PPFIA2: variants seen among roughly 807,000 people sequenced by gnomAD.
PPFIA2 encodes the protein liprin-alpha-2.
In PPFIA2, 46 loss-of-function variants were observed where a neutral mutation model predicts 175.5. That is an observed-to-expected ratio of 0.26 (90% CI 0.21 to 0.34). The LOEUF is 0.34. Among genes scored for constraint, PPFIA2 ranks in the 10% least tolerant of loss-of-function variants. The pLI is 1.00. For missense variants in PPFIA2, 1,179 were observed against 1,506.1 expected (o/e 0.78, Z 3.60); for synonymous variants, 568 against 511.4 (o/e 1.11, Z -1.49).
intron 22 of PPFIA2, among the ~76,000 whole-genome samples, chr12:81,310,634 TTTAAAA>T (rs2050533218): frequency 6.6e-6 from 1 of 152,126 alleles, no homozygotes; most frequent in African/African-American, 2.4e-5. Context: ...AAAACTGTGT[TTTAAAA>T]CTCAATGTCT....
At chr12:81,662,200 A>T (rs1431175183) in intron 4 of PPFIA2, among the ~76,000 whole-genome samples, 1 of 152,206 alleles carries the variant, frequency 6.6e-6, no homozygotes, top group East Asian at 1.9e-4. Context: ...AACTAAGATA[A>T]GAGCAGAACT....
At chr12:81,475,491 T>C (rs1006430561) in intron 4 of PPFIA2, among the ~76,000 whole-genome samples, 22 of 152,204 alleles carry the variant, frequency 1.4e-4, no homozygotes, top group African/African-American at 4.1e-4. Flanking sequence ...CAATTTGCTA[T>C]TTATTATTTC....
chr12:81,747,295 G>A (rs140028681), intron 3 of PPFIA2, among the ~76,000 whole-genome samples: 84 of 144,302 alleles, frequency 5.8e-4, no homozygotes, highest in African/African-American at 2.0e-3. Flanking sequence ...AGTTATAATC[G>A]CAGCACAATA....
intron 8 of PPFIA2, among the ~76,000 whole-genome samples, chr12:81,398,065 A>T (rs1405282089): frequency 6.6e-6 from 1 of 152,156 alleles, no homozygotes; most frequent in East Asian, 1.9e-4. Context: ...GTAATAATTT[A>T]AATAAAGTGC....
chr12:81,725,341 A>G (rs1391542527), intron 3 of PPFIA2, among the ~76,000 whole-genome samples: 1 of 151,044 alleles, frequency 6.6e-6, no homozygotes, highest in African/African-American at 2.4e-5. Flanking sequence ...GAGCCAATAG[A>G]GACCACAGTT....
chr12:81,533,268 A>G (rs937458670), intron 4 of PPFIA2, among the ~76,000 whole-genome samples: 1 of 151,798 alleles, frequency 6.6e-6, no homozygotes, highest in Non-Finnish European at 1.5e-5. Flanking sequence ...ATGACATCAC[A>G]ATATTTTAGT....
intron 21 of PPFIA2, among the ~76,000 whole-genome samples, chr12:81,330,181 G>A (rs1018270307): frequency 6.6e-6 from 1 of 152,050 alleles, no homozygotes; most frequent in Non-Finnish European, 1.5e-5. Context: ...ATGCTCCTAC[G>A]CACGATAGCA....
At chr12:81,392,128 G>C (rs761427918) in intron 8 of PPFIA2, among the ~76,000 whole-genome samples, 1 of 151,878 alleles carries the variant, frequency 6.6e-6, no homozygotes, top group Admixed American at 6.6e-5. Flanking sequence ...GAAAAATTAC[G>C]TTGGCTTAGA....
chr12:81,646,028 G>A (rs1006556441), intron 4 of PPFIA2, among the ~76,000 whole-genome samples: 3 of 152,138 alleles, frequency 2.0e-5, no homozygotes, highest in Admixed American at 1.3e-4. Flanking sequence ...TCCATAAGAC[G>A]CAGGCAAAGA....
Position 81,421,553 on chromosome 12 carries a change from GA to G in PPFIA2, c.646-15651del, listed in dbSNP as rs201386598. On this transcript the variant is annotated intron_variant, in intron 7 of 32. Transcript: ENST00000549396. ...ACAATATACATAAAATATACAAGAA[GA>G]AAAAAAATCAAAGCAAATAACTACA... Among the ~76,000 whole-genome samples the G allele has an allele frequency of 7.8e-3, 1,169 of 150,706 alleles. 14 individuals are homozygous for G. Among genetic ancestry groups the G allele is most frequent in the African/African-American group, 0.027 (1,092 of 41,154 alleles).
chr12:81,262,350 A>AT lies in PPFIA2; in HGVS notation c.3716-311dup, dbSNP rs1030121870. Among the ~76,000 whole-genome samples, 6 of 152,012 alleles carry AT rather than the reference A, an allele frequency of 3.9e-5. No homozygotes were observed. In the South Asian group the frequency reaches 8.3e-4, roughly 21 times the overall value. ...GCTCTTAGAGAACTCATTATAGTGG[A>AT]TTTTTTTTCCTTTCCAAGTATTGAA... On this transcript the variant is annotated intron_variant, in intron 31 of 32. Coordinates refer to ENST00000549396, the MANE Select transcript of PPFIA2 (RefSeq NM_003625.5).
At chr12:81,438,337 A>G (rs1384634587) in intron 7 of PPFIA2, among the ~76,000 whole-genome samples, 1 of 152,102 alleles carries the variant, frequency 6.6e-6, no homozygotes, top group African/African-American at 2.4e-5. Context: ...GGGTGGTGGC[A>G]CATGCCCGTA....
At chr12:81,543,374 G>A (rs2066500282) in intron 4 of PPFIA2, among the ~76,000 whole-genome samples, 1 of 152,020 alleles carries the variant, frequency 6.6e-6, no homozygotes, top group South Asian at 2.1e-4. Context: ...AGTGAATAGA[G>A]CTCCTAATGA....
intron 24 of PPFIA2, among the ~76,000 whole-genome samples, chr12:81,286,893 G>T (rs1372082325): frequency 6.6e-6 from 1 of 151,906 alleles, no homozygotes; most frequent in African/African-American, 2.4e-5. Flanking sequence ...GAATATAAAA[G>T]TCATTTATGT....
intron 3 of PPFIA2, among the ~76,000 whole-genome samples, chr12:81,713,552 C>T (rs1281880449): frequency 6.6e-6 from 1 of 151,082 alleles, no homozygotes; most frequent in African/African-American, 2.4e-5. Context: ...ATGGCAGGGT[C>T]ATAATGAAAA....
At chr12:81,667,282 C>T (rs920425810) in intron 4 of PPFIA2, among the ~76,000 whole-genome samples, 1 of 152,026 alleles carries the variant, frequency 6.6e-6, no homozygotes, top group African/African-American at 2.4e-5. Context: ...TGAAGGAGCC[C>T]ATCATCACTT....
At chr12:81,722,583 A>T (rs949633026) in intron 3 of PPFIA2, among the ~76,000 whole-genome samples, 3 of 151,070 alleles carry the variant, frequency 2.0e-5, no homozygotes, top group Admixed American at 6.6e-5. Flanking sequence ...AGGAGATAGG[A>T]ACACTATCTC....
intron 17 of PPFIA2, among the ~76,000 whole-genome samples, chr12:81,350,128 G>A (rs773732759): frequency 6.6e-6 from 1 of 152,126 alleles, no homozygotes; most frequent in Admixed American, 6.6e-5. Flanking sequence ...GAAATAGCTT[G>A]TTATGGAGGG....
intron 4 of PPFIA2, among the ~76,000 whole-genome samples, chr12:81,622,065 A>G (rs2062105676): frequency 6.6e-6 from 1 of 152,176 alleles, no homozygotes; most frequent in South Asian, 2.1e-4. Flanking sequence ...AGCATTAGAC[A>G]AGGACTTGGT....
Sources: allele counts gnomAD v4.1 joint callset (sites outside exome capture counted in the v4.1 genomes callset), GRCh38; gene constraint gnomAD v4.1.1; transcripts MANE v1.5; gene names NCBI Gene and HGNC (gene_info 2026-07-23, HGNC 2026-07-21).